Variants in C4orf50 observed in about 807,000 individuals in gnomAD.
C4orf50 encodes chromosome 4 open reading frame 50.
C4orf50 carries 80 observed loss-of-function variants against 77.2 expected under a neutral mutation model. That is an observed-to-expected ratio of 1.04 (90% CI 0.87 to 1.25). The LOEUF is 1.25. C4orf50 is among the 50% of genes most tolerant of loss of function. The pLI, the probability that C4orf50 is intolerant of heterozygous loss-of-function variation, is 0.00. For synonymous variants in C4orf50, 532 were observed against 465.3 expected (o/e 1.14, Z -1.84); for missense variants, 1,257 against 1,152.9 (o/e 1.09, Z -1.31).
rs144361931 is a variant in C4orf50 at position 5,911,693 on chromosome 4, C to T, written c.*2475-13505G>A. ...GGTGGGGAACAGAAATAGAGAACCACAGTGGTGAGCTAGCAAATGTTTAAC... is the reference window on the plus strand; with the variant it reads ...GGTGGGGAACAGAAATAGAGAACCATAGTGGTGAGCTAGCAAATGTTTAAC... On this transcript the variant is annotated intron_variant, in intron 7 of 7. Coordinates refer to the C4orf50 transcript ENST00000324058. Among the ~76,000 whole-genome samples the T allele has an allele frequency of 9.3e-4, 141 of 152,336 alleles. 1 individual carries two copies. The highest frequency in any genetic ancestry group is 3.0e-3 in the African/African-American group (125 of 41,586).
rs553594211 is a variant in C4orf50, at chr4:5,935,494, A to G, written c.*2474+21407T>C. ...GCTGAAACACACAGGATTCCTATAG[A>G]TAAATCCCCAGGGCTGGGTGTGGTG... On this transcript the variant is annotated intron_variant, in intron 7 of 7. Coordinates refer to the C4orf50 transcript ENST00000324058. 2.6e-5 allele frequency among the ~76,000 whole-genome samples: 4 copies of G among 152,306 alleles called. No individual in the cohort carries two copies. In the South Asian group the frequency reaches 8.3e-4, roughly 32 times the overall value.
In C4orf50 at chr4:5,905,017, C is replaced by T. The variant is rs945377392; in HGVS notation, c.*2475-6829G>A. 1.3e-5 allele frequency: 2 copies of T among 152,198 alleles called. No individual in the cohort carries two copies. Among genetic ancestry groups the T allele is most frequent in the South Asian group, 2.1e-4 (1 of 4,826 alleles). 9.4% of individuals were successfully genotyped at this position (152,198 alleles called of 1,614,324 possible). A position where few individuals can be genotyped will look rare whatever the true frequency, so the allele number is the denominator to read the frequency against. ...ATCCTGACACTTGGAAAGAATCTTACAGTGTTCAGGTGCTTTTCCAGCCAT... is the reference window on the plus strand; with the variant it reads ...ATCCTGACACTTGGAAAGAATCTTATAGTGTTCAGGTGCTTTTCCAGCCAT... On this transcript the variant is annotated intron_variant, in intron 7 of 7. Coordinates refer to the C4orf50 transcript ENST00000324058. This position sits in a 1 kb window ranked among gnomAD's most constrained non-coding sequence, Gnocchi z 5.4.
chr4:5,989,351 G>C, exon 28 of C4orf50: 1 of 1,536,046 alleles, frequency 6.5e-7, no homozygotes, highest in Non-Finnish European at 8.7e-7. Flanking sequence ...TCCCAATGAG[G>C]CAGTGTCCCT....
At position 6,011,754 on chromosome 4, in the gene C4orf50, C is replaced by T; in HGVS notation, c.426+76G>A. On this transcript the variant is annotated intron_variant, in intron 24 of 33. Coordinates refer to ENST00000531445, the Ensembl canonical transcript of C4orf50. This position sits in a 1 kb window ranked among gnomAD's most constrained non-coding sequence, Gnocchi z 4.2. ...AGGCCCACCCTGTACTGTCTTTGCC[C>T]AACTGCAGCTGCTGCTGAGTTCCCA... The T allele has an allele frequency of 2.5e-6, 1 of 398,894 alleles. No individual in the cohort carries two copies. The highest frequency in any genetic ancestry group is 4.4e-6 in the Non-Finnish European group (1 of 226,124). 24.7% of individuals were successfully genotyped at this position (398,894 alleles called of 1,614,324 possible). A position where few individuals can be genotyped will look rare whatever the true frequency, so the allele number is the denominator to read the frequency against.
intron 7 of C4orf50, chr4:5,923,199 G>A (rs1222760949): frequency 6.5e-6 from 1 of 154,368 alleles, no homozygotes; most frequent in African/African-American, 2.4e-5. Context: ...TTTTACAGAT[G>A]AGAAACTGAT....
chr4:5,902,295 C>T (rs1716373122), intron 7 of C4orf50: 1 of 152,154 alleles, frequency 6.6e-6, no homozygotes. Context: ...TCTCATTTCC[C>T]CCTGTGCTGT....
chr4:5,994,510 G>C, intron 25 of C4orf50, 34 bp from the exon 4 acceptor site: 1 of 399,190 alleles, frequency 2.5e-6, no homozygotes, highest in Non-Finnish European at 4.4e-6. Context: ...GGAGCCGTCA[G>C]TGTCCTGGCT....
chr4:5,994,518 G>T (rs565583230), intron 25 of C4orf50, 42 bp from the exon 4 acceptor site: 5 of 399,064 alleles, frequency 1.3e-5, no homozygotes, highest in Non-Finnish European at 2.2e-5. Context: ...CAGTGTCCTG[G>T]CTGAAGTGTG....
At chr4:5,972,580 G>T (rs1039305715) in intron 31 of C4orf50, among the ~76,000 whole-genome samples, 2 of 152,202 alleles carry the variant, frequency 1.3e-5, no homozygotes, top group Non-Finnish European at 2.9e-5. Context: ...GACCAGAGGG[G>T]ACCTCTCAAG....
At chr4:5,962,156 G>C (rs1719310502) in intron 33 of C4orf50, among the ~76,000 whole-genome samples, 2 of 152,312 alleles carry the variant, frequency 1.3e-5, no homozygotes, top group African/African-American at 2.4e-5. Context: ...CCCTGTCTCT[G>C]GCTAACTATT....
At position 5,908,446 on chromosome 4, in the gene C4orf50, A is replaced by G. The variant is rs879854664; in HGVS notation, c.*2475-10258T>C. 6.6e-5 allele frequency among the ~76,000 whole-genome samples: 10 copies of G among 152,136 alleles called. No homozygotes were observed. Among genetic ancestry groups the G allele is most frequent in the Non-Finnish European group, 1.2e-4 (8 of 68,024 alleles). On this transcript the variant is annotated intron_variant, in intron 7 of 7. Coordinates refer to the C4orf50 transcript ENST00000324058. This position sits in a 1 kb window ranked among gnomAD's most constrained non-coding sequence, Gnocchi z 5.6. ...ACGATTCTATAAAACCACAGGAGGC[A>G]TTCATATGTCCTGGGGAGTTGGCAG... is the stretch of plus-strand genomic sequence containing the variant.
At chr4:5,984,412 C>T (rs915884588) in intron 28 of C4orf50, among the ~76,000 whole-genome samples, 1 of 152,082 alleles carries the variant, frequency 6.6e-6, no homozygotes, top group Non-Finnish European at 1.5e-5. Flanking sequence ...AAAACAAAAC[C>T]AAACCCCTCA....
chr4:5,947,415 C>T (rs1718530659), intron 7 of C4orf50, among the ~76,000 whole-genome samples: 1 of 152,188 alleles, frequency 6.6e-6, no homozygotes, highest in Non-Finnish European at 1.5e-5. Context: ...AGGAAGTTTA[C>T]CATAGGAGGA....
intron 25 of C4orf50, among the ~76,000 whole-genome samples, chr4:6,005,325 T>A (rs957954232): frequency 6.6e-6 from 1 of 152,056 alleles, no homozygotes; most frequent in African/African-American, 2.4e-5. Flanking sequence ...CAGCCTAGAG[T>A]GCAGCCTTGA....
intron 30 of C4orf50, among the ~76,000 whole-genome samples, chr4:5,974,860 C>T (rs1283131636): frequency 2.0e-5 from 3 of 152,120 alleles, no homozygotes; most frequent in Non-Finnish European, 4.4e-5. Context: ...GTACATTGGC[C>T]GGGTACGGTG....
intron 31 of C4orf50, among the ~76,000 whole-genome samples, chr4:5,967,793 G>A (rs1417895301): frequency 6.6e-6 from 1 of 152,258 alleles, no homozygotes; most frequent in African/African-American, 2.4e-5. Context: ...GACATCCAGT[G>A]CTCTGATGTC....
intron 26 of C4orf50, among the ~76,000 whole-genome samples, chr4:5,993,679 T>C (rs1040331700): frequency 2.6e-5 from 4 of 151,756 alleles, no homozygotes; most frequent in African/African-American, 9.7e-5. Flanking sequence ...TAGCCGGGCA[T>C]GGTGGTGGGA....
rs1053709170 is a variant in C4orf50 at position 5,970,517 on chromosome 4, G to A, written c.4105-3055C>T. On this transcript the variant is annotated intron_variant, in intron 31 of 33. Coordinates refer to ENST00000531445, the Ensembl canonical transcript of C4orf50. This position sits in a 1 kb window ranked among gnomAD's most constrained non-coding sequence, Gnocchi z 4.3. ...ACCCATGGACGCTAGTGACCCGGATGGCACAACAGCAGATGCCAGCACAGA... is the reference window on the plus strand; with the variant it reads ...ACCCATGGACGCTAGTGACCCGGATAGCACAACAGCAGATGCCAGCACAGA... Among the ~76,000 whole-genome samples, 17 of 152,186 alleles carry A rather than the reference G, an allele frequency of 1.1e-4. No homozygotes were observed. Among genetic ancestry groups the A allele is most frequent in the African/African-American group, 4.1e-4 (17 of 41,456 alleles).
chr4:5,931,331 G>A (rs1410958770), intron 7 of C4orf50, among the ~76,000 whole-genome samples: 2 of 151,904 alleles, frequency 1.3e-5, no homozygotes, highest in Non-Finnish European at 2.9e-5. Flanking sequence ...ATCAGTTAGG[G>A]AATCTAGGAG....
Sources: gnomAD v4.1 joint callset for allele counts (sites outside exome capture counted in the v4.1 genomes callset) on GRCh38, gnomAD v4.1.1 for gene constraint, Gnocchi (gnomAD v3.1) non-coding constraint, MANE v1.5 for transcripts, NCBI Gene and HGNC (gene_info 2026-07-23, HGNC 2026-07-21) for gene names.